The following SLIT3 variants were observed in gnomAD, a reference collection of about 807,000 sequenced individuals.
The protein encoded by SLIT3 is slit homolog 3 protein.
Under a neutral mutation model 184.0 loss-of-function variants are expected in SLIT3, and 68 were observed. The ratio of observed to expected loss-of-function variants is 0.37; its 90% CI spans 0.30 to 0.45. The LOEUF is 0.45. Among genes scored for constraint, SLIT3 ranks in the 20% least tolerant of loss-of-function variants. The pLI is 1.00. For synonymous variants in SLIT3, 831 were observed against 828.6 expected (o/e 1.00, Z -0.05); for missense variants, 1,707 against 2,026.0 (o/e 0.84, Z 3.02).
At chr5:168,832,249 CTTACA>C (rs1199221124) in intron 6 of SLIT3, among the ~76,000 whole-genome samples, 1 of 152,214 alleles carries the variant, frequency 6.6e-6, no homozygotes, top group Non-Finnish European at 1.5e-5. Flanking sequence ...TGACCTCCAA[CTTACA>C]TTACTGGACA....
chr5:169,163,307 C>T (rs1365619160), intron 4 of SLIT3, among the ~76,000 whole-genome samples: 2 of 151,418 alleles, frequency 1.3e-5, no homozygotes, highest in Non-Finnish European at 2.9e-5. Flanking sequence ...GGCCACCGTG[C>T]GAGGAAAAAA....
intron 4 of SLIT3, among the ~76,000 whole-genome samples, chr5:168,993,315 G>A (rs1185217102): frequency 1.3e-5 from 2 of 152,222 alleles, no homozygotes; most frequent in Admixed American, 1.3e-4. Context: ...CGGGTCCGGA[G>A]GAGAGCACCC....
At position 168,743,310 on chromosome 5, in the gene SLIT3, C is replaced by T. The variant is rs145813029; in HGVS notation, c.2270+4992G>A. ...AAGTCTATTAGTGCCATTTTTCCAA[C>T]AGCATATCTGACTTCATGTCTCTGT... On this transcript the variant is annotated intron_variant, in intron 20 of 35. Coordinates refer to ENST00000519560, the MANE Select transcript of SLIT3 (RefSeq NM_003062.4). Among the ~76,000 whole-genome samples, 621 of 152,348 alleles carry T rather than the reference C, an allele frequency of 4.1e-3. 1 individual carries two copies. Among genetic ancestry groups the T allele is most frequent in the African/African-American group, 0.014 (578 of 41,582 alleles).
In SLIT3 at chr5:168,906,594, C is replaced by T. The variant is rs13176886; in HGVS notation, c.414-23258G>A. ...CAAACCGTCACAGGGGTTACCTCTA[C>T]GTGGATAAGTGGCCTTGGGAGAAGA... On this transcript the variant is annotated intron_variant, in intron 4 of 35. Coordinates refer to ENST00000519560, the MANE Select transcript of SLIT3 (RefSeq NM_003062.4). 2.2e-3 allele frequency among the ~76,000 whole-genome samples: 333 copies of T among 152,084 alleles called. 1 individual carries two copies. The highest frequency in any genetic ancestry group is 7.1e-3 in the African/African-American group (294 of 41,482).
At chr5:168,751,760 C>T (rs1754723270) in intron 18 of SLIT3, among the ~76,000 whole-genome samples, 1 of 149,698 alleles carries the variant, frequency 6.7e-6, no homozygotes, top group African/African-American at 2.5e-5. Flanking sequence ...CGAAGTCTCG[C>T]TCTCGCTCTG....
At chr5:168,683,870 C>T in intron 32 of SLIT3, 96 bp downstream of exon 32, 1 of 1,214,246 alleles carries the variant, frequency 8.2e-7, no homozygotes, top group South Asian at 2.4e-5. Context: ...AGAAGGGACA[C>T]CCGAGTTCTC....
rs191486753 is a variant in SLIT3, at chr5:169,083,132, G to A, written c.413+110347C>T. 2.8e-3 allele frequency among the ~76,000 whole-genome samples: 422 copies of A among 152,266 alleles called. 2 individuals are homozygous for A. The highest frequency in any genetic ancestry group is 9.5e-3 in the African/African-American group (396 of 41,544). ...CGGAACTAACTGGTCACTCAGAAGC[G>A]GAATGGATCACACAAAGGTCTCAAA... is the stretch of plus-strand genomic sequence containing the variant. On this transcript the variant is annotated intron_variant, in intron 4 of 35. Coordinates refer to ENST00000519560, the MANE Select transcript of SLIT3 (RefSeq NM_003062.4).
At chr5:168,671,143 G>T in intron 34 of SLIT3, 55 bp downstream of exon 34, 3 of 1,567,592 alleles carry the variant, frequency 1.9e-6, no homozygotes, top group Non-Finnish European at 1.7e-6. Context: ...GTGGGGTAGG[G>T]ACTGAGGCCA....
chr5:168,671,429 A>G lies in SLIT3; in HGVS notation c.3896T>C (p.Leu1299Pro). 1 of 1,613,718 alleles carries G rather than the reference A, an allele frequency of 6.2e-7. No individual in the cohort carries two copies. Among genetic ancestry groups the G allele is most frequent in the Non-Finnish European group, 8.5e-7 (1 of 1,179,908 alleles). The change falls in exon 34 of 36, where the codon CTA becomes CCA. Residue 1299 changes from leucine to proline, a missense_variant. Physicochemically the swap from Leu to Pro is moderately conservative, Grantham distance 98. Transcript: ENST00000519560. Reference protein sequence around the residue: ...SALRQGTDRPLGGFHGCIHEV... With the variant: ...SALRQGTDRPPGGFHGCIHEV... ...ATGGATGCATCCGTGGAAGCCGCCTAGAGGCCGGTCCGTGCCCTGGCGCAA... is the reference window on the plus strand; with the variant it reads ...ATGGATGCATCCGTGGAAGCCGCCTGGAGGCCGGTCCGTGCCCTGGCGCAA...
At chr5:168,906,706 C>G (rs1018080194) in intron 4 of SLIT3, among the ~76,000 whole-genome samples, 1 of 152,078 alleles carries the variant, frequency 6.6e-6, no homozygotes, top group African/African-American at 2.4e-5. Context: ...TACTTTGTAA[C>G]TCTAGATATT....
chr5:169,207,376 C>T (rs776719960), intron 3 of SLIT3, among the ~76,000 whole-genome samples: 4,493 of 110,504 alleles, frequency 0.041, 92 homozygotes, highest in East Asian at 0.091. Flanking sequence ...TACATACACA[C>T]ACACACACAC....
chr5:168,818,194 C>G (rs116526946), intron 7 of SLIT3, among the ~76,000 whole-genome samples: 1,569 of 152,228 alleles, frequency 0.01, 34 homozygotes, highest in African/African-American at 0.036. Context: ...GGTGTATTTG[C>G]TATTCTGACT....
chr5:168,938,295 T>G (rs1487143366), intron 4 of SLIT3, among the ~76,000 whole-genome samples: 6 of 152,236 alleles, frequency 3.9e-5, no homozygotes, highest in African/African-American at 1.4e-4. Context: ...TATGGATAGA[T>G]TTTAATGATA....
intron 1 of SLIT3, among the ~76,000 whole-genome samples, chr5:169,277,759 T>C (rs1376918980): frequency 1.3e-5 from 2 of 152,204 alleles, no homozygotes; most frequent in African/African-American, 4.8e-5. Context: ...TTTCAATTCT[T>C]TTGGGTATAT....
intron 4 of SLIT3, among the ~76,000 whole-genome samples, chr5:169,028,179 C>G (rs1243142237): frequency 6.6e-6 from 1 of 151,946 alleles, no homozygotes; most frequent in Non-Finnish European, 1.5e-5. Context: ...GTGACCACCT[C>G]TGATGCACAG....
rs202013883 is a variant in SLIT3, at chr5:169,041,988, T to TA, written c.413+151490dup. The stretch of plus-strand genomic sequence containing the variant: ...TTCCCTCATTTAAATCTTGCAGTTC[T>TA]AAAAAAGGCACTTCTCTGCAAGAGT... On this transcript the variant is annotated intron_variant, in intron 4 of 35. Coordinates refer to ENST00000519560, the MANE Select transcript of SLIT3 (RefSeq NM_003062.4). 8.2e-3 allele frequency among the ~76,000 whole-genome samples: 1,244 copies of TA among 152,274 alleles called. 12 individuals carry two copies. The highest frequency in any genetic ancestry group is 0.029 in the African/African-American group (1,203 of 41,550).
chr5:169,155,972 G>GA (rs1474021548), intron 4 of SLIT3, among the ~76,000 whole-genome samples: 2 of 152,190 alleles, frequency 1.3e-5, no homozygotes, highest in Admixed American at 1.3e-4. Flanking sequence ...GGGTAAAGTT[G>GA]AAAAACACTG....
At chr5:169,146,317 G>A (rs182467551) in intron 4 of SLIT3, among the ~76,000 whole-genome samples, 1 of 152,352 alleles carries the variant, frequency 6.6e-6, no homozygotes, top group Admixed American at 6.5e-5. Flanking sequence ...GGCTGGTGAT[G>A]TTGCAAAATA....
At chr5:168,798,107 C>T (rs1000873921) in intron 9 of SLIT3, among the ~76,000 whole-genome samples, 6 of 151,934 alleles carry the variant, frequency 3.9e-5, no homozygotes, top group Non-Finnish European at 5.9e-5. Flanking sequence ...GGCTTCCAAA[C>T]GAAGAAAAAA....
Sources: allele counts gnomAD v4.1 joint callset (sites outside exome capture counted in the v4.1 genomes callset), GRCh38; gene constraint gnomAD v4.1.1; transcripts MANE v1.5; gene names NCBI Gene and HGNC (gene_info 2026-07-23, HGNC 2026-07-21).